PODXL2: variants seen among roughly 807,000 people sequenced by gnomAD.
PODXL2 encodes podocalyxin-like protein 2.
Under a neutral mutation model 53.4 loss-of-function variants are expected in PODXL2, and 17 were observed. The observed-to-expected ratio is 0.32, with a 90% CI of 0.22 to 0.48. The LOEUF (loss-of-function observed/expected upper bound fraction) is 0.48, where lower values mean the gene tolerates loss of function less well. Ranked by LOEUF, PODXL2 falls within the 20% of genes least tolerant of loss-of-function variation. The pLI, the probability that PODXL2 is intolerant of heterozygous loss-of-function variation, is 0.99. For missense variants in PODXL2, 673 were observed against 760.0 expected, an observed-to-expected ratio of 0.89 and a Z score of 1.35; for synonymous variants, 311 against 306.7, an observed-to-expected ratio of 1.01 and a Z score of -0.15.
At chr3:127,648,902 C>T (rs1162950926) in intron 2 of PODXL2, among the ~76,000 whole-genome samples, 4 of 150,136 alleles carry the variant, frequency 2.7e-5, no homozygotes, top group African/African-American at 9.8e-5. Flanking sequence ...AAGCAATTCT[C>T]CTGCCTCAGC....
chr3:127,638,185 T>C (rs78340005), intron 1 of PODXL2, among the ~76,000 whole-genome samples: 1,662 of 152,318 alleles, frequency 0.011, 37 homozygotes, highest in African/African-American at 0.034. Context: ...TTTGTGTGGT[T>C]AGGTCATTAA....
chr3:127,656,066 AG>A (rs2074721537), intron 2 of PODXL2, among the ~76,000 whole-genome samples: 1 of 152,264 alleles, frequency 6.6e-6, no homozygotes, highest in Admixed American at 6.5e-5. Context: ...ACTCTGGGCC[AG>A]GCACTATGTT....
At chr3:127,644,354 C>G (rs1037123272) in intron 2 of PODXL2, among the ~76,000 whole-genome samples, 1 of 152,210 alleles carries the variant, frequency 6.6e-6, no homozygotes, top group Non-Finnish European at 1.5e-5. Context: ...TGATCACCCA[C>G]CTTAGCCTCC....
rs142891947 is a variant in PODXL2 at position 127,661,478 on chromosome 3, C to T, written c.1131+319C>T. The stretch of plus-strand genomic sequence containing the variant: ...CGAGATGGAGTCTCACTCTGTCGCC[C>T]AGGCTGGAGTGAAGTGGGCATGATC... On this transcript the variant is annotated intron_variant, in intron 3 of 7. Transcript: ENST00000342480. Among the ~76,000 whole-genome samples the T allele has an allele frequency of 8.6e-4, 131 of 152,008 alleles. No individual in the cohort carries two copies. The East Asian group carries it at 0.021, about 25-fold the overall frequency.
At chr3:127,662,159 C>A in intron 3 of PODXL2, 78 bp from the exon 4 acceptor site, 2 of 1,266,764 alleles carry the variant, frequency 1.6e-6, no homozygotes, top group Non-Finnish European at 1.1e-6. Context: ...TCCCAAAAGG[C>A]CTCCGACCGG....
intron 4 of PODXL2, among the ~76,000 whole-genome samples, chr3:127,667,557 C>A (rs2074800768): frequency 6.6e-6 from 1 of 152,172 alleles, no homozygotes; most frequent in South Asian, 2.1e-4. Flanking sequence ...TGGGGCTGGG[C>A]AGGGACAAAT....
At chr3:127,668,392 A>G (rs1453383161) in intron 4 of PODXL2, 49 bp from the exon 5 acceptor site, 1 of 1,438,650 alleles carries the variant, frequency 7.0e-7, no homozygotes, top group Non-Finnish European at 9.2e-7. Flanking sequence ...AGGGCTCAGT[A>G]GAGCCCCTTT....
At chr3:127,656,942 G>A (rs1306604239) in intron 2 of PODXL2, among the ~76,000 whole-genome samples, 2 of 151,706 alleles carry the variant, frequency 1.3e-5, no homozygotes, top group Admixed American at 6.6e-5. Context: ...TTGGGAGGCC[G>A]AGGTGGGAGG....
chr3:127,629,245 G>A lies in PODXL2; in HGVS notation c.26G>A (p.Arg9Gln). The A allele has an allele frequency of 1.0e-6, 1 of 998,990 alleles. No individual in the cohort carries two copies. The highest frequency in any genetic ancestry group is 1.2e-6 in the Non-Finnish European group (1 of 837,658). The allele number at this position is 998,990 out of a possible 1,614,324, so 61.9% of individuals were successfully genotyped here. Reference sequence around the variant, plus strand: ...ATGGGCCGGCTGCTGCGGGCCGCCCGGCTGCCGCCGCTGCTTTCGCCGCTG... The same window carrying A: ...ATGGGCCGGCTGCTGCGGGCCGCCCAGCTGCCGCCGCTGCTTTCGCCGCTG... MGRLLRAA[R>Q]LPPLLSPLLL... The change falls in exon 1 of 8, where the codon CGG becomes CAG. Residue 9 changes from arginine (R) to glutamine (Q), a missense_variant. Physicochemically the swap from Arg to Gln is conservative, Grantham distance 43. Coordinates refer to ENST00000342480, the MANE Select transcript of PODXL2 (RefSeq NM_015720.4). This position sits in a 1 kb window ranked among gnomAD's most constrained non-coding sequence, Gnocchi z 6.4.
chr3:127,668,621 G>A, intron 5 of PODXL2, 24 bp downstream of exon 5: 1 of 1,482,794 alleles, frequency 6.7e-7, no homozygotes, highest in Non-Finnish European at 9.0e-7. Context: ...GGTGATGGGA[G>A]GGCCCAGGAG....
intron 5 of PODXL2, among the ~76,000 whole-genome samples, chr3:127,668,915 C>T (rs1456112310): frequency 6.6e-6 from 1 of 152,090 alleles, no homozygotes; most frequent in South Asian, 2.1e-4. Flanking sequence ...GTGTGGGCTT[C>T]GCAAGTGGCT....
At position 127,660,535 on chromosome 3, in the gene PODXL2, A is replaced by G; in HGVS notation, c.507A>G (p.Glu169=). 3 of 1,613,318 alleles carry G rather than the reference A, an allele frequency of 1.9e-6. No homozygotes were observed. The highest frequency in any genetic ancestry group is 2.5e-6 in the Non-Finnish European group (3 of 1,179,644). Residue 169 remains glutamate (E), a synonymous_variant, in exon 3 of 8, where the codon GAA becomes GAG. Coordinates refer to ENST00000342480, the MANE Select transcript of PODXL2 (RefSeq NM_015720.4). ...PPREEEEEEE[E]EEEREKEEVE... ...GAGAGGAGGAAGAAGAGGAAGAGGAAGAGGAGGAGAGGGAGAAGGAAGAGG... is the reference window on the plus strand; with the variant it reads ...GAGAGGAGGAAGAAGAGGAAGAGGAGGAGGAGGAGAGGGAGAAGGAAGAGG...
At chr3:127,666,618 G>T (rs1311728424) in intron 4 of PODXL2, among the ~76,000 whole-genome samples, 1 of 152,128 alleles carries the variant, frequency 6.6e-6, no homozygotes, top group Non-Finnish European at 1.5e-5. Context: ...CGTGTTGTCT[G>T]TGCAGGAGTT....
intron 3 of PODXL2, 62 bp downstream of exon 3, chr3:127,661,221 A>ATGCCACACTAGCCCT: frequency 7.6e-7 from 1 of 1,323,780 alleles, no homozygotes; most frequent in Non-Finnish European, 1.1e-6. Context: ...GGCCATCCCC[A>ATGCCACACTAGCCCT]GGGCTAGTGT....
At chr3:127,641,204 A>G (rs979775971) in intron 2 of PODXL2, among the ~76,000 whole-genome samples, 6 of 151,442 alleles carry the variant, frequency 4.0e-5, no homozygotes, top group Non-Finnish European at 8.8e-5. Flanking sequence ...GAGCCACCGC[A>G]CCCGGACAAC....
At position 127,668,960 on chromosome 3, in the gene PODXL2, C is replaced by T. The variant is rs527256808; in HGVS notation, c.1364-181C>T. On this transcript the variant is annotated intron_variant, in intron 5 of 7. Transcript: ENST00000342480. ...TATACAAATCGATGTTCTAACAGAT[C>T]GATGCAGTGGAAAGCATGTCTAAGA... Among the ~76,000 whole-genome samples, 47 of 152,240 alleles carry T rather than the reference C, an allele frequency of 3.1e-4. 1 individual carries two copies. Among genetic ancestry groups the T allele is most frequent in the Admixed American group, 2.9e-3 (44 of 15,304 alleles).
At chr3:127,668,363 G>T in intron 4 of PODXL2, 78 bp from the exon 5 acceptor site, 1 of 1,319,544 alleles carries the variant, frequency 7.6e-7, no homozygotes, top group East Asian at 2.8e-5. Context: ...GGTGAGTACG[G>T]GGCTGGGCCT....
At chr3:127,662,541 A>G (rs1036742917) in intron 4 of PODXL2, among the ~76,000 whole-genome samples, 1 of 152,222 alleles carries the variant, frequency 6.6e-6, no homozygotes, top group Non-Finnish European at 1.5e-5. Flanking sequence ...AATTTAAATG[A>G]ATACTTTGTT....
At chr3:127,654,534 ATTCTGT>A (rs1346637294) in intron 2 of PODXL2, among the ~76,000 whole-genome samples, 2 of 152,204 alleles carry the variant, frequency 1.3e-5, no homozygotes, top group Admixed American at 6.5e-5. Flanking sequence ...CCTCCCGGTA[ATTCTGT>A]TTCTGTTTTA....
Sources: allele counts gnomAD v4.1 joint callset (sites outside exome capture counted in the v4.1 genomes callset), GRCh38; gene constraint gnomAD v4.1.1; non-coding constraint Gnocchi (gnomAD v3.1); transcripts MANE v1.5; gene names NCBI Gene and HGNC (gene_info 2026-07-23, HGNC 2026-07-21).